Variants in PCDHGA6 observed in about 807,000 individuals in gnomAD.
PCDHGA6 encodes protocadherin gamma-A6.
A neutral mutation model predicts 60.6 loss-of-function variants in PCDHGA6; 41 were observed. The observed-to-expected ratio is 0.68, with a 90% confidence interval of 0.53 to 0.88. The LOEUF (loss-of-function observed/expected upper bound fraction) is 0.88, where lower values mean the gene tolerates loss of function less well. Among genes scored for constraint, PCDHGA6 ranks in the 40% least tolerant of loss-of-function variants. PCDHGA6 has a pLI of 0.00. For synonymous variants in PCDHGA6, 594 were observed against 524.4 expected, an observed-to-expected ratio of 1.13 and a Z score of -1.81; for missense variants, 1,312 against 1,203.0, an observed-to-expected ratio of 1.09 and a Z score of -1.34.
chr5:141,448,511 A>C (rs2098593334), intron 1 of PCDHGA6, among the ~76,000 whole-genome samples: 1 of 152,076 alleles, frequency 6.6e-6, no homozygotes, highest in Admixed American at 6.6e-5. Context: ...ACATTTTATA[A>C]CTTTATTAAG....
chr5:141,489,191 T>C lies in PCDHGA6; in HGVS notation c.2425-5616T>C. On this transcript the variant is annotated intron_variant, in intron 1 of 3. Coordinates refer to ENST00000517434, the MANE Select transcript of PCDHGA6 (RefSeq NM_018919.3). The surrounding 1 kb of genome is among the most constrained non-coding windows in gnomAD (Gnocchi z 4.5). ...CTGCATTCCAAGCCCTGGGTCTACC[T>C]TGGAGACAGGACAGCACAGACTTAC... The C allele has an allele frequency of 7.3e-7, 1 of 1,364,400 alleles. No homozygotes were observed. Among genetic ancestry groups the C allele is most frequent in the Middle Eastern group, 1.9e-4 (1 of 5,334 alleles). The allele number at this position is 1,364,400 out of a possible 1,614,324, so 84.5% of individuals were successfully genotyped here. A position where few individuals can be genotyped will look rare whatever the true frequency, so the allele number is the denominator to read the frequency against.
chr5:141,395,197 T>C, intron 1 of PCDHGA6: 1 of 1,614,012 alleles, frequency 6.2e-7, no homozygotes, highest in Non-Finnish European at 8.5e-7. Context: ...TTAACATCCG[T>C]AGATTTTCAT....
intron 1 of PCDHGA6, among the ~76,000 whole-genome samples, chr5:141,472,352 T>G (rs1364883510): frequency 6.6e-6 from 1 of 151,718 alleles, no homozygotes; most frequent in Non-Finnish European, 1.5e-5. Context: ...CCATCCTGGC[T>G]AACACGGTGA....
chr5:141,418,599 A>C, intron 1 of PCDHGA6: 2 of 1,614,054 alleles, frequency 1.2e-6, no homozygotes. Context: ...CAGGACGTGT[A>C]CAGGGTTAGC....
At chr5:141,447,657 C>A (rs997179275) in intron 1 of PCDHGA6, among the ~76,000 whole-genome samples, 4 of 152,088 alleles carry the variant, frequency 2.6e-5, no homozygotes, top group Non-Finnish European at 4.4e-5. Context: ...TTTTCCCCCC[C>A]AGGAAGTTAG....
At chr5:141,388,827 A>T (rs376001893) in intron 1 of PCDHGA6, 4 of 1,614,024 alleles carry the variant, frequency 2.5e-6, no homozygotes, top group Non-Finnish European at 2.5e-6. Flanking sequence ...AGAATATTCC[A>T]TAGTTTTGGA....
intron 1 of PCDHGA6, among the ~76,000 whole-genome samples, chr5:141,469,212 G>A (rs114294512): frequency 0.021 from 3,174 of 151,360 alleles, 54 homozygotes; most frequent in Non-Finnish European, 0.032. Flanking sequence ...TTGAAGTTGA[G>A]GCTTCAGTGA....
chr5:141,428,392 T>A, intron 1 of PCDHGA6: 1 of 497,196 alleles, frequency 2.0e-6, no homozygotes, highest in Admixed American at 3.1e-5. Flanking sequence ...TTCCAGCCCC[T>A]CTGCCTGGGG....
At chr5:141,499,625 C>A (rs1238895570) in intron 2 of PCDHGA6, among the ~76,000 whole-genome samples, 1 of 149,832 alleles carries the variant, frequency 6.7e-6, no homozygotes, top group East Asian at 2.0e-4. Flanking sequence ...TCCTTGGATT[C>A]TTTTGAAGCA....
Position 141,431,690 on chromosome 5 carries a change from G to A in PCDHGA6, c.2424+55183G>A. 1.2e-6 allele frequency: 2 copies of A among 1,614,234 alleles called. No individual in the cohort carries two copies. Among genetic ancestry groups the A allele is most frequent in the Non-Finnish European group, 8.5e-7 (1 of 1,180,040 alleles). On this transcript the variant is annotated intron_variant, in intron 1 of 3. Coordinates refer to ENST00000517434, the MANE Select transcript of PCDHGA6 (RefSeq NM_018919.3). The surrounding 1 kb of genome is among the most constrained non-coding windows in gnomAD (Gnocchi z 4.8). ...AACAATAGGGGAGTTGGACCACGAG[G>A]AGTCAGGATTCTACCAGATGGAAGT... is the stretch of plus-strand genomic sequence containing the variant.
intron 1 of PCDHGA6, among the ~76,000 whole-genome samples, chr5:141,464,912 T>A (rs1303305860): frequency 2.6e-5 from 4 of 152,092 alleles, no homozygotes; most frequent in Non-Finnish European, 5.9e-5. Context: ...CTAATTTTTT[T>A]ATTTTTTTGT....
rs1161697588 is a variant in PCDHGA6, at chr5:141,491,464, T to C, written c.2425-3343T>C. 7 of 1,613,982 alleles carry C rather than the reference T, an allele frequency of 4.3e-6. No homozygotes were observed. In the African/African-American group the frequency reaches 9.3e-5, roughly 22 times the overall value. On this transcript the variant is annotated intron_variant, in intron 1 of 3. Transcript: ENST00000517434. This position sits in a 1 kb window ranked among gnomAD's most constrained non-coding sequence, Gnocchi z 6.9. ...CCAGGACTCACCCTCCCCGGACTTCTATAAGCAGTCCAGCCCCAACCTGCA... is the reference window on the plus strand; with the variant it reads ...CCAGGACTCACCCTCCCCGGACTTCCATAAGCAGTCCAGCCCCAACCTGCA...
chr5:141,396,804 G>A lies in PCDHGA6; in HGVS notation c.2424+20297G>A, dbSNP rs189942396. On this transcript the variant is annotated intron_variant, in intron 1 of 3. Coordinates refer to ENST00000517434, the MANE Select transcript of PCDHGA6 (RefSeq NM_018919.3). ...AAGGACATTTCCTAAGGATTGTGTA[G>A]TGTTCTACTGTATGGTGCATATTCA... Among the ~76,000 whole-genome samples the A allele has an allele frequency of 2.8e-4, 42 of 152,300 alleles. 1 individual carries two copies. The highest frequency in any genetic ancestry group is 9.6e-4 in the African/African-American group (40 of 41,552).
At chr5:141,450,006 C>CTTT (rs1554136305) in intron 1 of PCDHGA6, among the ~76,000 whole-genome samples, 1 of 132,986 alleles carries the variant, frequency 7.5e-6, no homozygotes, top group Non-Finnish European at 1.6e-5. Context: ...TGCCATGTCT[C>CTTT]TTTTTTTTTT....
At position 141,493,323 on chromosome 5, in the gene PCDHGA6, C is replaced by T. The variant is rs542332335; in HGVS notation, c.2425-1484C>T. Among the ~76,000 whole-genome samples the T allele has an allele frequency of 6.6e-6, 1 of 152,294 alleles. No homozygotes were observed. The highest frequency in any genetic ancestry group is 6.5e-5 in the Admixed American group (1 of 15,300). On this transcript the variant is annotated intron_variant, in intron 1 of 3. Transcript: ENST00000517434. The surrounding 1 kb of genome is among the most constrained non-coding windows in gnomAD (Gnocchi z 4.3). ...AGAGCAAGTAAGAGAGATTCTAACC[C>T]CTGTCTAACTCCAGAATGTGTGCTT...
chr5:141,384,812 T>C, intron 1 of PCDHGA6: 1 of 1,613,428 alleles, frequency 6.2e-7, no homozygotes, highest in African/African-American at 1.3e-5. Context: ...AGAGATGCCC[T>C]CAAGCAGAGC....
chr5:141,475,384 A>T (rs2099362853), intron 1 of PCDHGA6, among the ~76,000 whole-genome samples: 1 of 152,370 alleles, frequency 6.6e-6, no homozygotes, highest in East Asian at 1.9e-4. Flanking sequence ...TTTAAATTTT[A>T]TAAGCCAGAG....
intron 1 of PCDHGA6, chr5:141,410,014 G>C (rs1185262301): frequency 1.2e-6 from 2 of 1,613,296 alleles, no homozygotes. Context: ...ACGCCTGGCT[G>C]TCCTACCACG....
rs1374094845 is a variant in PCDHGA6, at chr5:141,476,576, T to A, written c.2425-18231T>A. On this transcript the variant is annotated intron_variant, in intron 1 of 3. Coordinates refer to ENST00000517434, the MANE Select transcript of PCDHGA6 (RefSeq NM_018919.3). The surrounding 1 kb of genome is among the most constrained non-coding windows in gnomAD (Gnocchi z 7.6). Reference sequence around the variant, plus strand: ...CGAGGCCGTGGCTCCGGGGACGCGCTTTCCGCTCGAGAGCGCGCACGATCC... The same window carrying A: ...CGAGGCCGTGGCTCCGGGGACGCGCATTCCGCTCGAGAGCGCGCACGATCC... 3 of 1,614,102 alleles carry A rather than the reference T, an allele frequency of 1.9e-6. No individual in the cohort carries two copies. Among genetic ancestry groups the A allele is most frequent in the Middle Eastern group, 1.6e-4 (1 of 6,084 alleles).
Sources: allele counts gnomAD v4.1 joint callset (sites outside exome capture counted in the v4.1 genomes callset), GRCh38; gene constraint gnomAD v4.1.1; non-coding constraint Gnocchi (gnomAD v3.1); transcripts MANE v1.5; gene names NCBI Gene and HGNC (gene_info 2026-07-23, HGNC 2026-07-21).